Variants in LTBP1 observed in about 807,000 individuals in gnomAD.
The protein encoded by LTBP1 is latent transforming growth factor beta binding protein 1, also known as latent-transforming growth factor beta-binding protein 1.
Under a neutral mutation model 207.6 loss-of-function variants are expected in LTBP1, and 129 were observed. The observed-to-expected ratio is 0.62, with a 90% CI of 0.54 to 0.72. LTBP1 has a LOEUF of 0.72. Among genes scored for constraint, LTBP1 ranks in the 30% least tolerant of loss-of-function variants. The pLI, the probability that LTBP1 is intolerant of heterozygous loss-of-function variation, is 0.00. For synonymous variants in LTBP1, 963 were observed against 833.7 expected, an observed-to-expected ratio of 1.16 and a Z score of -2.67; for missense variants, 2,281 against 2,217.2, an observed-to-expected ratio of 1.03 and a Z score of -0.58.
chr2:33,154,138 G>T (rs2083763939), intron 5 of LTBP1, among the ~76,000 whole-genome samples: 1 of 152,160 alleles, frequency 6.6e-6, no homozygotes, highest in Non-Finnish European at 1.5e-5. Context: ...TGCACCACTT[G>T]AATGTGCCTT....
chr2:33,209,602 G>A (rs2090145494), intron 7 of LTBP1, among the ~76,000 whole-genome samples: 1 of 152,216 alleles, frequency 6.6e-6, no homozygotes, highest in African/African-American at 2.4e-5. Flanking sequence ...ACTAGCCAGA[G>A]CACTTTTGAG....
chr2:32,954,543 T>G (rs1572799705), intron 2 of LTBP1, among the ~76,000 whole-genome samples: 1 of 104,348 alleles, frequency 9.6e-6, no homozygotes, highest in African/African-American at 3.5e-5. Flanking sequence ...GGGCCTCCAC[T>G]CCCCGCCCCC....
At chr2:33,035,841 TAAAA>T (rs1170436201) in intron 3 of LTBP1, among the ~76,000 whole-genome samples, 2 of 152,128 alleles carry the variant, frequency 1.3e-5, no homozygotes, top group Non-Finnish European at 2.9e-5. Flanking sequence ...AGGATAGTAA[TAAAA>T]AAACCCAAAC....
intron 3 of LTBP1, chr2:33,056,470 G>A: frequency 1.1e-6 from 1 of 880,830 alleles, no homozygotes; most frequent in Non-Finnish European, 1.7e-6. Flanking sequence ...ATTGCCAGCT[G>A]GAGGTGATGA....
chr2:33,074,079 T>C (rs569343638), intron 3 of LTBP1, among the ~76,000 whole-genome samples: 14 of 152,378 alleles, frequency 9.2e-5, no homozygotes, highest in African/African-American at 3.4e-4. Flanking sequence ...TGTTGTGAGC[T>C]AATGGTCTGA....
intron 26 of LTBP1, among the ~76,000 whole-genome samples, chr2:33,351,023 T>G (rs2094774433): frequency 6.6e-6 from 1 of 152,184 alleles, no homozygotes; most frequent in Non-Finnish European, 1.5e-5. Flanking sequence ...TTCTCCACTT[T>G]AAGACAAGCA....
chr2:33,289,324 A>G lies in LTBP1; in HGVS notation c.3113-3836A>G, dbSNP rs1052998850. Among the ~76,000 whole-genome samples, 7 of 152,154 alleles carry G rather than the reference A, an allele frequency of 4.6e-5. No individual in the cohort carries two copies. The East Asian group carries it at 9.6e-4, about 21-fold the overall frequency. ...CCAAATTGTTATGTCTCAAAAGCCC[A>G]TTGGTAAATTGTTTGAGATTTAGAA... On this transcript the variant is annotated intron_variant, in intron 19 of 33. Transcript: ENST00000404816.
chr2:33,025,221 C>CA (rs2075361211), intron 3 of LTBP1, among the ~76,000 whole-genome samples: 2 of 152,274 alleles, frequency 1.3e-5, no homozygotes, highest in Admixed American at 1.3e-4. Flanking sequence ...GTCTAGTCCT[C>CA]ACTCAGAGGG....
intron 2 of LTBP1, among the ~76,000 whole-genome samples, chr2:32,996,889 T>C (rs1685369057): frequency 6.6e-6 from 1 of 151,930 alleles, no homozygotes; most frequent in Non-Finnish European, 1.5e-5. Context: ...CTTTTTTTTG[T>C]TTTGTTTTGT....
chr2:33,015,835 AGAG>A (rs1341849883), intron 2 of LTBP1, among the ~76,000 whole-genome samples: 24 of 152,194 alleles, frequency 1.6e-4, no homozygotes, highest in Non-Finnish European at 1.5e-5. Context: ...AAACATGACC[AGAG>A]GAGGAGGAAG....
intron 2 of LTBP1, among the ~76,000 whole-genome samples, chr2:32,962,626 G>A (rs948851511): frequency 3.3e-5 from 5 of 152,180 alleles, no homozygotes; most frequent in African/African-American, 1.2e-4. Flanking sequence ...TTTGTTTTAC[G>A]AGAATGTATA....
At chr2:32,968,947 G>A (rs1320051109) in intron 2 of LTBP1, among the ~76,000 whole-genome samples, 5 of 132,320 alleles carry the variant, frequency 3.8e-5, no homozygotes, top group Admixed American at 8.3e-5. Context: ...GCGGTGTCTC[G>A]CTCTGTCACC....
intron 2 of LTBP1, among the ~76,000 whole-genome samples, chr2:33,000,456 G>T (rs533752205): frequency 3.0e-5 from 4 of 135,144 alleles, no homozygotes; most frequent in Non-Finnish European, 6.5e-5. Context: ...AATGGAGGTT[G>T]CCAGGTGGAG....
chr2:33,134,588 CCT>C lies in LTBP1; in HGVS notation c.1034-204_1034-203del, dbSNP rs1249446776. Reference sequence around the variant, plus strand: ...AGTTCTGTTTGCTAAGCTTCCTACTCCTGTTTCAGAGACACCACTGAATACAG... The same window carrying C: ...AGTTCTGTTTGCTAAGCTTCCTACTCGTTTCAGAGACACCACTGAATACAG... On this transcript the variant is annotated intron_variant, in intron 4 of 33. Coordinates refer to ENST00000404816, the MANE Select transcript of LTBP1 (RefSeq NM_206943.4). This position sits in a 1 kb window ranked among gnomAD's most constrained non-coding sequence, Gnocchi z 4.4. The C allele has an allele frequency of 2.6e-6, 4 of 1,537,716 alleles. No individual in the cohort carries two copies. Among genetic ancestry groups the C allele is most frequent in the Non-Finnish European group, 3.5e-6 (4 of 1,140,180 alleles).
rs140129640 is a variant in LTBP1, at chr2:33,233,449, A to G, written c.1877-10213A>G. On this transcript the variant is annotated intron_variant, in intron 9 of 33. Coordinates refer to ENST00000404816, the MANE Select transcript of LTBP1 (RefSeq NM_206943.4). ...TGGTTAAGGTATGCTAAAAATCCTTAAAGAATCTTGGTAAGACCATTTCGT... is the reference window on the plus strand; with the variant it reads ...TGGTTAAGGTATGCTAAAAATCCTTGAAGAATCTTGGTAAGACCATTTCGT... Among the ~76,000 whole-genome samples, 339 of 152,302 alleles carry G rather than the reference A, an allele frequency of 2.2e-3. 4 individuals are homozygous for G. Among genetic ancestry groups the G allele is most frequent in the Middle Eastern group, 6.8e-3 (2 of 294 alleles).
intron 5 of LTBP1, among the ~76,000 whole-genome samples, chr2:33,185,311 A>G (rs2087079454): frequency 6.6e-6 from 1 of 152,196 alleles, no homozygotes; most frequent in East Asian, 1.9e-4. Context: ...ATGAGGGGGC[A>G]GCACCCAGGT....
chr2:33,039,996 C>A (rs947745339), intron 3 of LTBP1, among the ~76,000 whole-genome samples: 2 of 151,962 alleles, frequency 1.3e-5, no homozygotes, highest in African/African-American at 4.8e-5. Context: ...AATCAAGGAG[C>A]AGCCAGAAAA....
intron 3 of LTBP1, among the ~76,000 whole-genome samples, chr2:33,104,103 C>A (rs1365013044): frequency 6.6e-6 from 1 of 152,100 alleles, no homozygotes; most frequent in African/African-American, 2.4e-5. Context: ...GATCCTCCCA[C>A]CCTCTCTGCA....
chr2:32,984,934 A>AAAAACAAAAC (rs59089750), intron 2 of LTBP1, among the ~76,000 whole-genome samples: 14,741 of 150,544 alleles, frequency 0.098, 964 homozygotes, highest in Non-Finnish European at 0.14. Context: ...TCTGTTTCAA[A>AAAAACAAAAC]AAAACAAAAC....
Sources: allele counts gnomAD v4.1 joint callset (sites outside exome capture counted in the v4.1 genomes callset), GRCh38; gene constraint gnomAD v4.1.1; non-coding constraint Gnocchi (gnomAD v3.1); transcripts MANE v1.5; gene names NCBI Gene and HGNC (gene_info 2026-07-23, HGNC 2026-07-21).